LACTB: variants seen among roughly 807,000 people sequenced by gnomAD.
LACTB encodes the protein lactamase beta.
A neutral mutation model predicts 50.2 loss-of-function variants in LACTB; 35 were observed. The observed-to-expected ratio is 0.70, with a 90% CI of 0.53 to 0.92. The LOEUF (loss-of-function observed/expected upper bound fraction) is 0.92, where lower values mean the gene tolerates loss of function less well. LACTB is among the 40% of genes least tolerant of loss of function. LACTB has a pLI of 0.00. For missense variants in LACTB, 664 were observed against 691.8 expected, an observed-to-expected ratio of 0.96 and a Z score of 0.45; for synonymous variants, 252 against 268.2, an observed-to-expected ratio of 0.94 and a Z score of 0.59.
intron 1 of LACTB, 136 bp downstream of exon 1, chr15:63,122,364 C>T (rs992107232): frequency 1.4e-4 from 116 of 814,472 alleles, no homozygotes; most frequent in Non-Finnish European, 1.9e-4. Flanking sequence ...CCCATTTCCC[C>T]ACCGCCGAGC....
In LACTB at chr15:63,140,658, T is replaced by C. The variant is rs1220660030; in HGVS notation, c.1119-622T>C. ...ATGTATATGGTATTTTGTTTAGAAT[T>C]TTTTTTTAGATAGGGTCTTGCTTTG... On this transcript the variant is annotated intron_variant, in intron 5 of 5. Transcript: ENST00000261893. Among the ~76,000 whole-genome samples, 3 of 151,948 alleles carry C rather than the reference T, an allele frequency of 2.0e-5. No individual in the cohort carries two copies. In the East Asian group the frequency reaches 5.8e-4, roughly 29 times the overall value.
chr15:63,127,607 C>T lies in LACTB; in HGVS notation c.870C>T (p.Gly290=), dbSNP rs146253415. Reference sequence around the variant, plus strand: ...AGAAAAAGAATGATTTTGAACAAGGCGAATTATATTTGAGAGAAAAGTTTG... The same window carrying T: ...AGAAAAAGAATGATTTTGAACAAGGTGAATTATATTTGAGAGAAAAGTTTG... ...PGKKKNDFEQ[G]ELYLREKFEN... The change falls in exon 4 of 6, where the codon GGC becomes GGT. Residue 290 remains glycine (G), a synonymous_variant. Transcript: ENST00000261893. The T allele has an allele frequency of 3.0e-5, 48 of 1,611,384 alleles. No homozygotes were observed. The highest frequency in any genetic ancestry group is 6.7e-5 in the Admixed American group (4 of 59,740).
At chr15:63,127,303 C>T (rs1357142476) in intron 3 of LACTB, 50 bp from the exon 4 acceptor site, 1 of 1,362,718 alleles carries the variant, frequency 7.3e-7, no homozygotes, top group Non-Finnish European at 1.0e-6. Flanking sequence ...AACTAACTTT[C>T]TATTTTTCAG....
Position 63,122,659 on chromosome 15 carries a change from A to G in LACTB, c.381A>G (p.Ile127Met), listed in dbSNP as rs1456599781. ...AGGATGAGGTGGGCGCACCGGGCAT[A>G]GTGGTTGGAGTTTCTGTAGATGGAA... Reference protein sequence around the residue: ...RIKDEVGAPGIVVGVSVDGKE... With the variant: ...RIKDEVGAPGMVVGVSVDGKE... Residue 127 changes from isoleucine to methionine, a missense_variant, in exon 2 of 6, where the codon ATA (isoleucine) becomes ATG (methionine). Coordinates refer to ENST00000261893, the MANE Select transcript of LACTB (RefSeq NM_032857.5). 2 of 1,613,784 alleles carry G rather than the reference A, an allele frequency of 1.2e-6. No individual in the cohort carries two copies. Among genetic ancestry groups the G allele is most frequent in the Non-Finnish European group, 1.7e-6 (2 of 1,179,786 alleles).
chr15:63,128,664 A>G (rs895367397), intron 4 of LACTB, among the ~76,000 whole-genome samples: 1 of 152,230 alleles, frequency 6.6e-6, no homozygotes, highest in Non-Finnish European at 1.5e-5. Flanking sequence ...TTGAAATACT[A>G]TGTATATTTG....
Position 63,126,915 on chromosome 15 carries a change from C to T in LACTB, c.481C>T (p.Arg161Ter), listed in dbSNP as rs763998435. ...RVPCKPETVM[R>*]IASISKSLTM... ...ACCATGTAAACCAGAGACAGTTATG[C>T]GAATTGCTAGCATCAGCAAAAGTCT... Residue 161 changes from arginine to a stop codon, truncating the protein, a stop_gained, in exon 3 of 6, where the codon CGA becomes TGA. Transcript: ENST00000261893. LOFTEE classifies it high-confidence loss of function. The T allele has an allele frequency of 3.7e-6, 6 of 1,612,374 alleles. No individual in the cohort carries two copies. The African/African-American group carries it at 4.0e-5, about 11-fold the overall frequency.
chr15:63,129,239 G>T (rs2037096439), intron 4 of LACTB: 1 of 276,726 alleles, frequency 3.6e-6, no homozygotes, highest in East Asian at 6.0e-5. Context: ...TCAGAGAAAG[G>T]AGCAGATTTA....
At chr15:63,129,434 G>T (rs1566991118) in intron 4 of LACTB, 51 bp from the exon 5 acceptor site, 2 of 1,439,418 alleles carry the variant, frequency 1.4e-6, no homozygotes, top group Non-Finnish European at 1.8e-6. Flanking sequence ...ATATGTTTTT[G>T]AATAATAATC....
chr15:63,141,453 T>C lies in LACTB; in HGVS notation c.1292T>C (p.Leu431Ser). Residue 431 changes from leucine (L) to serine (S), a missense_variant, in exon 6 of 6, where the codon TTA (leucine) becomes TCA (serine). Coordinates refer to ENST00000261893, the MANE Select transcript of LACTB (RefSeq NM_032857.5). ...GLFKNSNENL[L>S]PGYLKPETMV... ...TTTAAGAACTCAAATGAAAATCTTT[T>C]ACCTGGATACCTCAAACCAGAAACA... 1 of 1,614,230 alleles carries C rather than the reference T, an allele frequency of 6.2e-7. No individual in the cohort carries two copies. Among genetic ancestry groups the C allele is most frequent in the South Asian group, 1.1e-5 (1 of 91,086 alleles).
At chr15:63,133,356 C>T (rs1215354887) in intron 5 of LACTB, among the ~76,000 whole-genome samples, 1 of 152,162 alleles carries the variant, frequency 6.6e-6, no homozygotes, top group Non-Finnish European at 1.5e-5. Flanking sequence ...CTGTGTGGCT[C>T]ATGCCTGTAA....
intron 1 of LACTB, 63 bp downstream of exon 1, chr15:63,122,291 G>C (rs887858774): frequency 2.2e-6 from 3 of 1,380,756 alleles, no homozygotes; most frequent in African/African-American, 1.4e-5. Context: ...CGGTGCTGTC[G>C]GGGGCTGAGT....
At chr15:63,136,348 T>C (rs2037177082) in intron 5 of LACTB, among the ~76,000 whole-genome samples, 1 of 152,180 alleles carries the variant, frequency 6.6e-6, no homozygotes, top group Non-Finnish European at 1.5e-5. Flanking sequence ...TTCTATTCTT[T>C]GAAAAAAGGC....
At chr15:63,134,721 A>G (rs1313279222) in intron 5 of LACTB, among the ~76,000 whole-genome samples, 3 of 152,124 alleles carry the variant, frequency 2.0e-5, no homozygotes, top group African/African-American at 7.2e-5. Flanking sequence ...AATGAAGAAG[A>G]GTCAATTTTG....
At chr15:63,122,787 G>A (rs2036994556) in intron 2 of LACTB, 85 bp downstream of exon 2, 2 of 903,782 alleles carry the variant, frequency 2.2e-6, no homozygotes, top group East Asian at 2.4e-5. Context: ...CCCATGAAAT[G>A]CTATTGCATT....
At chr15:63,123,206 T>A (rs1199972243) in intron 2 of LACTB, among the ~76,000 whole-genome samples, 5 of 152,216 alleles carry the variant, frequency 3.3e-5, no homozygotes. Flanking sequence ...AATTTTCCAT[T>A]TAATACTTTC....
chr15:63,122,192 C>A lies in LACTB; in HGVS notation c.321C>A (p.Ala107=). 6.5e-7 allele frequency: 1 copy of A among 1,542,860 alleles called. No homozygotes were observed. Among genetic ancestry groups the A allele is most frequent in the Non-Finnish European group, 8.7e-7 (1 of 1,153,510 alleles). Residue 107 remains alanine (A), a synonymous_variant, in exon 1 of 6, where the codon GCC becomes GCA. Coordinates refer to ENST00000261893, the MANE Select transcript of LACTB (RefSeq NM_032857.5). ...CCTGCTCCAGGTGCTTCGCCAGAGC[C>A]ATCGAGAGCAGCCGCGACCTGCTGC... ...APPCSRCFAR[A]IESSRDLLHR...
At position 63,121,962 on chromosome 15, in the gene LACTB, G is replaced by C. The variant is rs2036975863; in HGVS notation, c.91G>C (p.Ala31Pro). Residue 31 changes from alanine to proline, a missense_variant, in exon 1 of 6, where the codon GCC becomes CCC. Coordinates refer to ENST00000261893, the MANE Select transcript of LACTB (RefSeq NM_032857.5). ...SCGRRGVHQR[A>P]GLPPLGHGWV... The stretch of plus-strand genomic sequence containing the variant: ...CGGACGACGCGGGGTCCATCAGCGC[G>C]CCGGGCTGCCGCCTCTCGGCCACGG... The C allele has an allele frequency of 7.3e-7, 1 of 1,378,792 alleles. No individual in the cohort carries two copies. The highest frequency in any genetic ancestry group is 9.3e-7 in the Non-Finnish European group (1 of 1,074,942). 85.4% of individuals were successfully genotyped at this position (1,378,792 alleles called of 1,614,324 possible). A position where few individuals can be genotyped will look rare whatever the true frequency, so the allele number is the denominator to read the frequency against.
intron 5 of LACTB, among the ~76,000 whole-genome samples, chr15:63,135,500 T>C (rs2037167592): frequency 2.0e-5 from 3 of 152,144 alleles, no homozygotes; most frequent in Admixed American, 2.0e-4. Context: ...GAGGGGTGGA[T>C]TGCTTGAGCC....
At chr15:63,128,893 G>C (rs1046554489) in intron 4 of LACTB, among the ~76,000 whole-genome samples, 3 of 151,884 alleles carry the variant, frequency 2.0e-5, no homozygotes, top group African/African-American at 7.3e-5. Flanking sequence ...ATGGGTGCCC[G>C]CCACCACACC....
Sources: gnomAD v4.1 joint callset for allele counts (sites outside exome capture counted in the v4.1 genomes callset) on GRCh38, gnomAD v4.1.1 for gene constraint, MANE v1.5 for transcripts, NCBI Gene and HGNC (gene_info 2026-07-23, HGNC 2026-07-21) for gene names.